The following DGKH variants were observed in gnomAD, a reference collection of about 807,000 sequenced individuals.
DGKH encodes DAG kinase eta.
A neutral mutation model predicts 159.3 loss-of-function variants in DGKH; 90 were observed. That is an observed-to-expected ratio of 0.57 (90% CI 0.48 to 0.67). DGKH has a LOEUF of 0.67. Among genes scored for constraint, DGKH ranks in the 30% least tolerant of loss-of-function variants. The pLI is 0.00. For missense variants in DGKH, 1,181 were observed against 1,506.1 expected (o/e 0.78, Z 3.57); for synonymous variants, 536 against 553.8 (o/e 0.97, Z 0.45).
At position 42,194,995 on chromosome 13, in the gene DGKH, A is replaced by G; in HGVS notation, c.2146A>G (p.Asn716Asp). 6.2e-7 allele frequency: 1 copy of G among 1,613,984 alleles called. No homozygotes were observed. Among genetic ancestry groups the G allele is most frequent in the Non-Finnish European group, 8.5e-7 (1 of 1,179,918 alleles). ...AASKENLPVL[N>D]TRIICPGLRA... ...CAGCAAAGAAAACCTCCCTGTGCTC[A>G]ATACCAGAATAATCTGCCCAGGTAG... Residue 716 changes from asparagine (N) to aspartate (D), a missense_variant, in exon 17 of 30, where the codon AAT becomes GAT. By Grantham distance (23) the Asn-to-Asp change is conservative. Transcript: ENST00000337343.
At chr13:42,121,016 T>C (rs1955058190) in intron 1 of DGKH, among the ~76,000 whole-genome samples, 1 of 151,536 alleles carries the variant, frequency 6.6e-6, no homozygotes, top group Admixed American at 6.6e-5. Context: ...TATGAACTGG[T>C]TGTTTGGAAC....
At chr13:42,204,189 C>T (rs1957408736) in intron 20 of DGKH, among the ~76,000 whole-genome samples, 1 of 152,070 alleles carries the variant, frequency 6.6e-6, no homozygotes, top group Non-Finnish European at 1.5e-5. Flanking sequence ...GTATTTTTCC[C>T]CATTTCCTTT....
chr13:42,246,271 T>C (rs1214134885), downstream of DGKH, among the ~76,000 whole-genome samples: 1 of 152,060 alleles, frequency 6.6e-6, no homozygotes, highest in African/African-American at 2.4e-5. Flanking sequence ...CCTGGGATGG[T>C]GATACCAGCC....
chr13:42,111,592 T>C (rs534913115), intron 1 of DGKH, among the ~76,000 whole-genome samples: 2 of 152,286 alleles, frequency 1.3e-5, no homozygotes, highest in Admixed American at 1.3e-4. Context: ...AAAAATATGT[T>C]GGATAATCTT....
intron 21 of DGKH, among the ~76,000 whole-genome samples, chr13:42,206,975 TTTTCTTTCTTTCTTTCTTTCTTTC>T (rs748683859): frequency 1.9e-4 from 16 of 82,352 alleles, no homozygotes; most frequent in African/African-American, 7.5e-4. Flanking sequence ...TACTTTTACT[TTTTCTTTCTTTCTTTCTTTCTTTC>T]TTTCTTTCTT....
intron 16 of DGKH, among the ~76,000 whole-genome samples, chr13:42,193,538 A>C (rs1035087127): frequency 6.6e-6 from 1 of 152,202 alleles, no homozygotes; most frequent in South Asian, 2.1e-4. Context: ...GAGATGTGAG[A>C]AATACCGTAT....
chr13:42,215,479 G>T, intron 25 of DGKH, 96 bp from the exon 26 acceptor site: 1 of 967,342 alleles, frequency 1.0e-6, no homozygotes. Flanking sequence ...AATGTGTGCT[G>T]TGAATTTAAA....
At position 42,155,381 on chromosome 13, in the gene DGKH, A is replaced by G. The variant is rs1274925602; in HGVS notation, c.475A>G (p.Arg159Gly). 1 of 1,609,600 alleles carries G rather than the reference A, an allele frequency of 6.2e-7. No homozygotes were observed. Among genetic ancestry groups the G allele is most frequent in the South Asian group, 1.1e-5 (1 of 89,744 alleles). ...CAGCTCACTGAAGTCTGTACAGACC[A>G]GAGAACCCTACGAGGTAAAATAGCA... is the stretch of plus-strand genomic sequence containing the variant. ...WISSLKSVQTREPYEVAQFNV... is the reference protein window; with the variant it reads ...WISSLKSVQTGEPYEVAQFNV... The change falls in exon 4 of 30, where the codon AGA (arginine) becomes GGA (glycine). Residue 159 changes from arginine to glycine, a missense_variant. This residue lies in a region of DGKH where 369 missense variants were observed against 519.4 expected (regional missense o/e 0.71). Coordinates refer to ENST00000337343, the MANE Select transcript of DGKH (RefSeq NM_178009.5).
intron 1 of DGKH, among the ~76,000 whole-genome samples, chr13:42,064,786 C>T (rs1265233533): frequency 6.6e-6 from 1 of 152,084 alleles, no homozygotes; most frequent in Non-Finnish European, 1.5e-5. Context: ...CATGTATGCA[C>T]AGCTGGGGGC....
chr13:42,055,785 G>A (rs1303808078), intron 1 of DGKH, among the ~76,000 whole-genome samples: 1 of 152,212 alleles, frequency 6.6e-6, no homozygotes, highest in Non-Finnish European at 1.5e-5. Context: ...GTACATTACA[G>A]TTTCCCTTGG....
chr13:42,151,598 CACACACACACACACA>C (rs1955900958), intron 3 of DGKH, among the ~76,000 whole-genome samples: 2 of 129,042 alleles, frequency 1.5e-5, no homozygotes, highest in Non-Finnish European at 3.4e-5. Flanking sequence ...CACACACACA[CACACACACACACACA>C]CCCCATGGAA....
intron 28 of DGKH, 69 bp from the exon 29 acceptor site, chr13:42,221,195 G>A: frequency 6.3e-7 from 1 of 1,576,902 alleles, no homozygotes; most frequent in Non-Finnish European, 8.6e-7. Flanking sequence ...CATCTTCTTT[G>A]GCCAACCTTT....
chr13:42,093,858 C>T (rs533795561), intron 1 of DGKH, among the ~76,000 whole-genome samples: 30 of 152,024 alleles, frequency 2.0e-4, no homozygotes, highest in African/African-American at 6.0e-4. Flanking sequence ...GGCTGAGAAG[C>T]GGGGGAGTGG....
intron 29 of DGKH, 39 bp downstream of exon 29, chr13:42,221,433 T>C (rs201862784): frequency 1.2e-5 from 19 of 1,607,826 alleles, no homozygotes; most frequent in South Asian, 1.1e-4. Context: ...AAAATTTTAT[T>C]GCAAAACAGA....
intron 10 of DGKH, 45 bp from the exon 11 acceptor site, chr13:42,168,634 A>ATTT (rs1566152444): frequency 6.2e-7 from 1 of 1,613,796 alleles, no homozygotes; most frequent in Admixed American, 1.7e-5. Flanking sequence ...AGTAGTCCCT[A>ATTT]TTTCTCAACT....
chr13:42,249,081 A>G (rs1457346398), intron 29 of DGKH, among the ~76,000 whole-genome samples: 1 of 152,232 alleles, frequency 6.6e-6, no homozygotes, highest in African/African-American at 2.4e-5. Context: ...TTTTAAAAAA[A>G]TTACTGATTG....
Position 42,221,342 on chromosome 13 carries a change from G to A in DGKH, c.3521G>A (p.Arg1174His), listed in dbSNP as rs749797339. 8.7e-6 allele frequency: 14 copies of A among 1,613,572 alleles called. No homozygotes were observed. The highest frequency in any genetic ancestry group is 3.3e-5 in the South Asian group (3 of 91,068). Reference sequence around the variant, plus strand: ...GGAGAGTACAAAGATATCTTCATCCGTCATGACATCAGAGGGGCTGAACTT... The same window carrying A: ...GGAGAGTACAAAGATATCTTCATCCATCATGACATCAGAGGGGCTGAACTT... The part of the protein sequence containing the change: ...NLGEYKDIFI[R>H]HDIRGAELLH... The change falls in exon 29 of 30, where the codon CGT (arginine) becomes CAT (histidine). Residue 1174 changes from arginine to histidine, a missense_variant. Coordinates refer to ENST00000337343, the MANE Select transcript of DGKH (RefSeq NM_178009.5).
Position 42,189,230 on chromosome 13 carries a change from C to T in DGKH, c.1833C>T (p.Ala611=), listed in dbSNP as rs372414323. ...DDVTKPSSQK[A]VKPREIMLRA... ...TTACAAAACCTTCCTCCCAGAAAGC[C>T]GTCAAACCAAGGGAAATCATGTTGC... is the stretch of plus-strand genomic sequence containing the variant. The change falls in exon 15 of 30, where the codon GCC becomes GCT. Residue 611 remains alanine, a synonymous_variant. Coordinates refer to ENST00000337343, the MANE Select transcript of DGKH (RefSeq NM_178009.5). The T allele has an allele frequency of 6.2e-6, 10 of 1,613,996 alleles. No individual in the cohort carries two copies. The highest frequency in any genetic ancestry group is 4.5e-5 in the East Asian group (2 of 44,900).
At chr13:42,246,281 C>G (rs928551896), downstream of DGKH, among the ~76,000 whole-genome samples, 1 of 152,022 alleles carries the variant, frequency 6.6e-6, no homozygotes, top group Admixed American at 6.6e-5. Flanking sequence ...TGATACCAGC[C>G]GCAAGAATGA....
Sources: gnomAD v4.1 joint callset for allele counts (sites outside exome capture counted in the v4.1 genomes callset) on GRCh38, gnomAD v4.1.1 for gene constraint, gnomAD v4.1.1 regional missense constraint, MANE v1.5 for transcripts, NCBI Gene and HGNC (gene_info 2026-07-23, HGNC 2026-07-21) for gene names.